The following FNIP2 variants were observed in gnomAD, a reference collection of about 807,000 sequenced individuals.
FNIP2 encodes folliculin-interacting protein 2.
FNIP2 carries 32 observed loss-of-function variants against 108.7 expected under a neutral mutation model. The ratio of observed to expected loss-of-function variants is 0.29; its 90% CI spans 0.22 to 0.40. FNIP2 has a LOEUF of 0.40. Among genes scored for constraint, FNIP2 ranks in the 10% least tolerant of loss-of-function variants. The pLI, the probability that FNIP2 is intolerant of heterozygous loss-of-function variation, is 1.00. For missense variants in FNIP2, 1,202 were observed against 1,381.6 expected (o/e 0.87, Z 2.06); for synonymous variants, 480 against 496.7 (o/e 0.97, Z 0.45).
intron 14 of FNIP2, chr4:158,872,390 A>G (rs1461208005): frequency 1.0e-6 from 1 of 985,144 alleles, no homozygotes; most frequent in African/African-American, 1.7e-5. Context: ...CTCTGTCATT[A>G]CTCTTCAAGC....
intron 2 of FNIP2, among the ~76,000 whole-genome samples, chr4:158,828,632 CAAAA>C (rs1778290209): frequency 6.6e-6 from 1 of 151,824 alleles, no homozygotes. Flanking sequence ...AACAAACAAA[CAAAA>C]AACCCTACGA....
At chr4:158,833,814 A>C (rs1183702069) in intron 6 of FNIP2, 186 bp downstream of exon 6, 3 of 1,514,944 alleles carry the variant, frequency 2.0e-6, no homozygotes, top group Non-Finnish European at 2.6e-6. Flanking sequence ...TGCTGCAAGC[A>C]TGCAGCAGCA....
At chr4:158,878,852 T>C (rs1489882689) in intron 14 of FNIP2, among the ~76,000 whole-genome samples, 1 of 151,904 alleles carries the variant, frequency 6.6e-6, no homozygotes, top group Non-Finnish European at 1.5e-5. Context: ...TAAATGATCA[T>C]TTAGATTCAT....
chr4:158,864,434 G>GTAT (rs1780466907), intron 12 of FNIP2, among the ~76,000 whole-genome samples: 1 of 152,200 alleles, frequency 6.6e-6, no homozygotes, highest in Non-Finnish European at 1.5e-5. Context: ...ACTGTGTAGG[G>GTAT]TATAAGGAGA....
At chr4:158,787,023 A>G (rs1290174681) in intron 1 of FNIP2, among the ~76,000 whole-genome samples, 1 of 151,746 alleles carries the variant, frequency 6.6e-6, no homozygotes, top group African/African-American at 2.4e-5. Context: ...TGAATTTTAC[A>G]GTTGGGACAG....
chr4:158,797,958 G>A lies in FNIP2; in HGVS notation c.108-27958G>A, dbSNP rs1776641637. 3.9e-5 allele frequency among the ~76,000 whole-genome samples: 6 copies of A among 152,298 alleles called. No individual in the cohort carries two copies. In the South Asian group the frequency reaches 1.2e-3, roughly 32 times the overall value. On this transcript the variant is annotated intron_variant, in intron 1 of 16. Coordinates refer to ENST00000264433, the MANE Select transcript of FNIP2 (RefSeq NM_020840.3). ...CCATCACCACATCTGCTTTGAGACT[G>A]TTGGCACACTAATTTCATTTTCCTC... is the stretch of plus-strand genomic sequence containing the variant.
At chr4:158,845,561 G>GA (rs1172508009) in intron 7 of FNIP2, among the ~76,000 whole-genome samples, 1 of 152,194 alleles carries the variant, frequency 6.6e-6, no homozygotes, top group Non-Finnish European at 1.5e-5. Context: ...CCACCTTCAT[G>GA]AAGCTTTCTT....
At chr4:158,820,913 G>A (rs1198378513) in intron 1 of FNIP2, among the ~76,000 whole-genome samples, 1 of 152,146 alleles carries the variant, frequency 6.6e-6, no homozygotes, top group African/African-American at 2.4e-5. Context: ...CATATTCACA[G>A]GTATAGGAAT....
intron 7 of FNIP2, among the ~76,000 whole-genome samples, chr4:158,850,032 A>T (rs942356139): frequency 2.6e-5 from 4 of 152,176 alleles, no homozygotes; most frequent in Non-Finnish European, 5.9e-5. Context: ...CACTTACCCC[A>T]GTTGCCTACC....
At position 158,875,515 on chromosome 4, in the gene FNIP2, GATAT is replaced by G. The variant is rs56389652; in HGVS notation, c.2949+5069_2949+5072del. 7.3e-4 allele frequency among the ~76,000 whole-genome samples: 82 copies of G among 112,008 alleles called. 8 individuals carry two copies. Among genetic ancestry groups the G allele is most frequent in the Middle Eastern group, 4.3e-3 (1 of 230 alleles). The allele number at this position is 112,008 out of a possible 152,430, so 73.5% of individuals were successfully genotyped here. ...AGAGCTTTGCTAAAAGCCTGGCTGT[GATAT>G]ATATATATATATATATATATATGCT... is the stretch of plus-strand genomic sequence containing the variant. On this transcript the variant is annotated intron_variant, in intron 14 of 16. Coordinates refer to ENST00000264433, the MANE Select transcript of FNIP2 (RefSeq NM_020840.3).
intron 1 of FNIP2, among the ~76,000 whole-genome samples, chr4:158,793,008 G>A (rs1371482115): frequency 6.6e-6 from 1 of 152,172 alleles, no homozygotes; most frequent in Non-Finnish European, 1.5e-5. Context: ...CAGGCCTGCA[G>A]GGAATAATTA....
At chr4:158,896,386 G>A (rs926515155) in intron 16 of FNIP2, among the ~76,000 whole-genome samples, 15 of 152,114 alleles carry the variant, frequency 9.9e-5, no homozygotes, top group African/African-American at 3.6e-4. Flanking sequence ...TACTAAAAAT[G>A]CCTATCATCC....
chr4:158,782,039 T>C (rs1466560244), intron 1 of FNIP2, among the ~76,000 whole-genome samples: 3 of 152,194 alleles, frequency 2.0e-5, no homozygotes, highest in Admixed American at 6.5e-5. Flanking sequence ...CTTATAACTC[T>C]CAGAGACTTA....
chr4:158,904,122 G>A (rs1349326516), intron 16 of FNIP2, among the ~76,000 whole-genome samples: 1 of 152,140 alleles, frequency 6.6e-6, no homozygotes. Context: ...GTTTATAATG[G>A]AGAATACCTT....
intron 1 of FNIP2, among the ~76,000 whole-genome samples, chr4:158,800,285 C>T (rs1381676329): frequency 2.0e-5 from 3 of 152,144 alleles, no homozygotes; most frequent in Non-Finnish European, 4.4e-5. Context: ...CTTGATACTA[C>T]ACAAAGTTTC....
At chr4:158,772,013 A>G (rs181438955) in intron 1 of FNIP2, among the ~76,000 whole-genome samples, 90 of 152,290 alleles carry the variant, frequency 5.9e-4, no homozygotes, top group African/African-American at 2.1e-3. Flanking sequence ...GTTTCCTGGC[A>G]TTTCATCTAA....
At chr4:158,825,324 G>A (rs1449608773) in intron 1 of FNIP2, among the ~76,000 whole-genome samples, 1 of 152,190 alleles carries the variant, frequency 6.6e-6, no homozygotes, top group African/African-American at 2.4e-5. Context: ...CTTTCTTGCT[G>A]ACTGTAATTG....
At chr4:158,902,958 C>T (rs1308186557) in intron 16 of FNIP2, among the ~76,000 whole-genome samples, 1 of 152,210 alleles carries the variant, frequency 6.6e-6, no homozygotes, top group Non-Finnish European at 1.5e-5. Context: ...GACCACTCGG[C>T]TCCCTGGCTT....
At chr4:158,781,033 TC>T (rs1217857987) in intron 1 of FNIP2, among the ~76,000 whole-genome samples, 180 of 48,098 alleles carry the variant, frequency 3.7e-3, no homozygotes, top group African/African-American at 6.8e-3. Context: ...AGAGTCCTTC[TC>T]AAAAAAAAAA....
Sources: allele counts gnomAD v4.1 joint callset (sites outside exome capture counted in the v4.1 genomes callset), GRCh38; gene constraint gnomAD v4.1.1; transcripts MANE v1.5; gene names NCBI Gene and HGNC (gene_info 2026-07-23, HGNC 2026-07-21).